Variants in NTM observed in about 807,000 individuals in gnomAD.
The protein encoded by NTM is neurotrimin.
A neutral mutation model predicts 42.1 loss-of-function variants in NTM; 13 were observed. That is an observed-to-expected ratio of 0.31 (90% CI 0.20 to 0.49). NTM has a LOEUF of 0.49. Among genes scored for constraint, NTM ranks in the 20% least tolerant of loss-of-function variants. The probability of loss-of-function intolerance (pLI) is 0.99; values close to 1 mark genes in which losing one functional copy is unlikely to be tolerated. For missense variants in NTM, 373 were observed against 452.8 expected (o/e 0.82, Z 1.60); for synonymous variants, 187 against 179.2 (o/e 1.04, Z -0.35).
At chr11:131,765,129 C>A (rs2084904827) in intron 1 of NTM, among the ~76,000 whole-genome samples, 1 of 152,140 alleles carries the variant, frequency 6.6e-6, no homozygotes, top group Non-Finnish European at 1.5e-5. Flanking sequence ...GAGAGCCGTC[C>A]TCCTGGGACA....
intron 4 of NTM, among the ~76,000 whole-genome samples, chr11:132,275,104 G>A (rs2093654638): frequency 6.6e-6 from 1 of 152,006 alleles, no homozygotes; most frequent in Admixed American, 6.6e-5. Flanking sequence ...CAAGTCTAAA[G>A]ATCTTTGGCT....
chr11:132,003,687 A>G lies in NTM; in HGVS notation c.167+92039A>G, dbSNP rs2069963742. On this transcript the variant is annotated intron_variant, in intron 2 of 8. Transcript: ENST00000683400. This position sits in a 1 kb window ranked among gnomAD's most constrained non-coding sequence, Gnocchi z 6.0. ...TTCCTGGTAGGTCTGTCTGTAGCTC[A>G]ATCACATGTCCCACATGGAGCCCAC... 6.6e-6 allele frequency among the ~76,000 whole-genome samples: 1 copy of G among 152,102 alleles called. No homozygotes were observed. Among genetic ancestry groups the G allele is most frequent in the African/African-American group, 2.4e-5 (1 of 41,436 alleles).
intron 4 of NTM, among the ~76,000 whole-genome samples, chr11:132,235,031 G>C (rs2088507336): frequency 6.6e-6 from 1 of 152,210 alleles, no homozygotes; most frequent in Non-Finnish European, 1.5e-5. Context: ...TCTCCCCTTT[G>C]CTGTGATGCA....
intron 3 of NTM, among the ~76,000 whole-genome samples, chr11:132,182,654 A>G (rs2077746086): frequency 6.6e-6 from 1 of 152,204 alleles, no homozygotes. Context: ...AGCTATCTCT[A>G]ATACGTACTC....
intron 7 of NTM, among the ~76,000 whole-genome samples, chr11:132,323,398 C>T (rs1235432914): frequency 1.0e-3 from 152 of 151,892 alleles, no homozygotes; most frequent in African/African-American, 3.6e-3. Flanking sequence ...CTACAAACAC[C>T]TCTATGCAAA....
chr11:131,954,826 A>G (rs971843885), intron 2 of NTM, among the ~76,000 whole-genome samples: 9 of 152,176 alleles, frequency 5.9e-5, no homozygotes, highest in African/African-American at 2.2e-4. Context: ...AATGAATTCA[A>G]TCTTTTGTTA....
At chr11:131,480,835 T>C (rs1021568555) in intron 1 of NTM, among the ~76,000 whole-genome samples, 1 of 152,138 alleles carries the variant, frequency 6.6e-6, no homozygotes, top group Non-Finnish European at 1.5e-5. Flanking sequence ...CCCTGAAGCT[T>C]CTTTTCACTT....
At chr11:131,711,103 T>C (rs2077074677) in intron 1 of NTM, among the ~76,000 whole-genome samples, 1 of 152,080 alleles carries the variant, frequency 6.6e-6, no homozygotes, top group South Asian at 2.1e-4. Context: ...CCAAAAGCAA[T>C]GGCAATAAAA....
intron 1 of NTM, among the ~76,000 whole-genome samples, chr11:131,777,434 TC>T (rs1422733367): frequency 3.7e-5 from 5 of 136,186 alleles, no homozygotes; most frequent in Admixed American, 7.4e-5. Flanking sequence ...TATGAGTACA[TC>T]CCCCCCACCC....
At chr11:131,875,533 A>G (rs546532747) in intron 1 of NTM, among the ~76,000 whole-genome samples, 1 of 152,272 alleles carries the variant, frequency 6.6e-6, no homozygotes, top group South Asian at 2.1e-4. Context: ...GTTATATTAG[A>G]CGAAGAATAG....
chr11:131,767,422 T>A (rs1471486247), intron 1 of NTM, among the ~76,000 whole-genome samples: 1 of 152,132 alleles, frequency 6.6e-6, no homozygotes, highest in Non-Finnish European at 1.5e-5. Flanking sequence ...ATCTACATGC[T>A]GTGGACTACA....
intron 1 of NTM, among the ~76,000 whole-genome samples, chr11:131,621,855 A>G (rs186328960): frequency 6.6e-6 from 1 of 151,016 alleles, no homozygotes; most frequent in Non-Finnish European, 1.5e-5. Context: ...GAAGCTACAG[A>G]CAAGTGGGGA....
chr11:131,567,004 T>G (rs2056956001), intron 1 of NTM, among the ~76,000 whole-genome samples: 1 of 151,992 alleles, frequency 6.6e-6, no homozygotes, highest in African/African-American at 2.4e-5. Context: ...CAGCTGGAAT[T>G]TGACCCTCAA....
chr11:131,790,850 T>C (rs2090830947), intron 1 of NTM, among the ~76,000 whole-genome samples: 1 of 152,144 alleles, frequency 6.6e-6, no homozygotes, highest in East Asian at 1.9e-4. Context: ...AAGTTGCAAG[T>C]AAGGAGAAAA....
At chr11:131,655,230 C>T (rs977778601) in intron 1 of NTM, among the ~76,000 whole-genome samples, 1 of 152,148 alleles carries the variant, frequency 6.6e-6, no homozygotes, top group Non-Finnish European at 1.5e-5. Context: ...TTCTTGTGTG[C>T]AGACAAAGTT....
At chr11:131,871,178 C>T (rs2137078616) in intron 1 of NTM, among the ~76,000 whole-genome samples, 1 of 152,284 alleles carries the variant, frequency 6.6e-6, no homozygotes, top group African/African-American at 2.4e-5. Context: ...TCAGGGAGAA[C>T]ATGAAAACCA....
At chr11:131,731,623 C>A (rs940087267) in intron 1 of NTM, among the ~76,000 whole-genome samples, 1 of 152,116 alleles carries the variant, frequency 6.6e-6, no homozygotes, top group South Asian at 2.1e-4. Flanking sequence ...GGCCTGCATA[C>A]GTTAATCTTT....
At chr11:131,591,037 A>C (rs936216681) in intron 1 of NTM, among the ~76,000 whole-genome samples, 1 of 152,202 alleles carries the variant, frequency 6.6e-6, no homozygotes, top group Non-Finnish European at 1.5e-5. Flanking sequence ...GGATGAACCA[A>C]ATGAAATCCT....
chr11:131,598,684 TTTC>T (rs2060035084), intron 1 of NTM, among the ~76,000 whole-genome samples: 1 of 17,988 alleles, frequency 5.6e-5, no homozygotes, highest in Non-Finnish European at 1.4e-4. Context: ...TCTCATTTGT[TTTC>T]TTTCTTTCTT....
Sources: gnomAD v4.1 joint callset for allele counts (sites outside exome capture counted in the v4.1 genomes callset) on GRCh38, gnomAD v4.1.1 for gene constraint, Gnocchi (gnomAD v3.1) non-coding constraint, MANE v1.5 for transcripts, NCBI Gene and HGNC (gene_info 2026-07-23, HGNC 2026-07-21) for gene names.